HACL1: variants seen among roughly 807,000 people sequenced by gnomAD.
The protein encoded by HACL1 is 1600020H07Rik.
HACL1 carries 64 observed loss-of-function variants against 74.2 expected under a neutral mutation model. The ratio of observed to expected loss-of-function variants is 0.86; its 90% CI spans 0.70 to 1.06. The LOEUF is 1.06. HACL1 is among the 50% of genes least tolerant of loss of function. HACL1 has a pLI of 0.00. For synonymous variants in HACL1, 230 were observed against 238.8 expected (o/e 0.96, Z 0.34); for missense variants, 728 against 719.7 (o/e 1.01, Z -0.13).
At chr3:15,583,711 G>A (rs1386767623) in intron 7 of HACL1, among the ~76,000 whole-genome samples, 1 of 148,286 alleles carries the variant, frequency 6.7e-6, no homozygotes, top group African/African-American at 2.5e-5. Flanking sequence ...AGGCTTAAGT[G>A]CAGCGGTGCG....
Position 15,579,946 on chromosome 3 carries a change from T to C in HACL1, c.767A>G (p.Asp256Gly), listed in dbSNP as rs2063692681. The part of the protein sequence containing the change: ...PTPMGKGVVP[D>G]NHPYCVGAAR... ...TGCACCTACACAGTATGGATGGTTG[T>C]CAGGGACAACACCCTTCCCCATAGG... Residue 256 changes from aspartate to glycine, a missense_variant, in exon 9 of 17, where the codon GAC becomes GGC. By Grantham distance (94) the Asp-to-Gly change is moderately conservative. Transcript: ENST00000321169. 1 of 1,612,052 alleles carries C rather than the reference T, an allele frequency of 6.2e-7. No homozygotes were observed. Among genetic ancestry groups the C allele is most frequent in the African/African-American group, 1.3e-5 (1 of 74,862 alleles).
intron 9 of HACL1, among the ~76,000 whole-genome samples, chr3:15,575,769 G>A (rs1320802496): frequency 1.3e-5 from 2 of 151,968 alleles, no homozygotes; most frequent in Non-Finnish European, 2.9e-5. Flanking sequence ...TCGAACTCCT[G>A]GTTTCAAGTG....
At chr3:15,592,606 A>G (rs546922414) in intron 3 of HACL1, among the ~76,000 whole-genome samples, 8 of 107,062 alleles carry the variant, frequency 7.5e-5, no homozygotes, top group East Asian at 1.0e-3. Flanking sequence ...ATGTACGCAC[A>G]TGTGTGCGTG....
intron 8 of HACL1, among the ~76,000 whole-genome samples, chr3:15,582,507 C>T (rs983335062): frequency 3.9e-5 from 6 of 151,962 alleles, no homozygotes; most frequent in African/African-American, 7.3e-5. Context: ...GAATATAAAA[C>T]GGTCTATAAT....
At chr3:15,566,921 C>T (rs992937264) in intron 14 of HACL1, among the ~76,000 whole-genome samples, 4 of 147,046 alleles carry the variant, frequency 2.7e-5, no homozygotes, top group African/African-American at 7.6e-5. Flanking sequence ...CAGGTTCAAG[C>T]GATTCTCCTG....
At chr3:15,599,835 A>C (rs2125300681) in intron 2 of HACL1, among the ~76,000 whole-genome samples, 1 of 152,348 alleles carries the variant, frequency 6.6e-6, no homozygotes, top group African/African-American at 2.4e-5. Flanking sequence ...CACAATCCTT[A>C]GTATACAGTA....
At chr3:15,583,647 TTTTC>T (rs2063747119) in intron 7 of HACL1, among the ~76,000 whole-genome samples, 2 of 151,486 alleles carry the variant, frequency 1.3e-5, no homozygotes, top group Middle Eastern at 3.4e-3. Flanking sequence ...TCTTTTTTTT[TTTTC>T]TTTTCTTTTT....
intron 12 of HACL1, among the ~76,000 whole-genome samples, chr3:15,569,097 A>G (rs1318241922): frequency 6.6e-6 from 1 of 152,200 alleles, no homozygotes; most frequent in Non-Finnish European, 1.5e-5. Flanking sequence ...TACCCCCACT[A>G]TTCTAAAGAG....
chr3:15,580,799 G>A (rs938773712), intron 8 of HACL1, among the ~76,000 whole-genome samples: 1 of 152,220 alleles, frequency 6.6e-6, no homozygotes, highest in African/African-American at 2.4e-5. Context: ...TCCAGGCATG[G>A]AAATTCTAAG....
intron 12 of HACL1, among the ~76,000 whole-genome samples, chr3:15,570,297 T>C (rs2063503942): frequency 6.6e-6 from 1 of 151,382 alleles, no homozygotes; most frequent in Non-Finnish European, 1.5e-5. Flanking sequence ...ATCACGCCAT[T>C]GCACTCCAGC....
intron 5 of HACL1, among the ~76,000 whole-genome samples, chr3:15,589,326 G>A (rs1021300295): frequency 2.6e-5 from 4 of 151,450 alleles, no homozygotes; most frequent in Admixed American, 6.6e-5. Context: ...GTGAAACCTC[G>A]TCTCTACAAA....
chr3:15,571,019 C>A (rs776663096), intron 12 of HACL1, among the ~76,000 whole-genome samples: 6 of 152,016 alleles, frequency 3.9e-5, no homozygotes, highest in Non-Finnish European at 5.9e-5. Flanking sequence ...ACTCTGTCAC[C>A]CAGGCTTGAG....
chr3:15,563,760 ATGTTTTAAACC>A (rs2063386584), intron 15 of HACL1, among the ~76,000 whole-genome samples: 2 of 152,206 alleles, frequency 1.3e-5, no homozygotes, highest in East Asian at 1.9e-4. Flanking sequence ...GATGATAGAA[ATGTTTTAAACC>A]TGTGCCATCC....
chr3:15,579,887 T>A, intron 9 of HACL1, 23 bp downstream of exon 9: 1 of 1,521,416 alleles, frequency 6.6e-7, no homozygotes, highest in Non-Finnish European at 8.9e-7. Flanking sequence ...GCCATTGTAT[T>A]TAAAATCTGG....
intron 10 of HACL1, among the ~76,000 whole-genome samples, chr3:15,573,743 T>C (rs2063575742): frequency 6.6e-6 from 1 of 152,244 alleles, no homozygotes; most frequent in East Asian, 1.9e-4. Flanking sequence ...GTGGTGCTGA[T>C]GCGCCTGGCC....
intron 2 of HACL1, among the ~76,000 whole-genome samples, chr3:15,599,445 G>A (rs1472628342): frequency 6.6e-6 from 1 of 151,742 alleles, no homozygotes; most frequent in Non-Finnish European, 1.5e-5. Flanking sequence ...TCTTTCTGAA[G>A]TACAAATCTA....
chr3:15,596,538 A>G (rs773308606), intron 2 of HACL1, 114 bp from the exon 3 acceptor site: 2 of 661,312 alleles, frequency 3.0e-6, no homozygotes, highest in Non-Finnish European at 5.5e-6. Flanking sequence ...CAGAATTAAA[A>G]TATTTCCAAC....
rs1467990089 is a variant in HACL1 at position 15,592,483 on chromosome 3, CACTTGTATACATATACACTTGTATAT to C, written c.228-829_228-804del. 8.8e-4 allele frequency among the ~76,000 whole-genome samples: 131 copies of C among 149,166 alleles called. 3 individuals are homozygous for C. Among genetic ancestry groups the C allele is most frequent in the South Asian group, 2.7e-3 (13 of 4,732 alleles). On this transcript the variant is annotated intron_variant, in intron 3 of 16. Transcript: ENST00000321169. ...GTATACATACACACACGTATACATA[CACTTGTATACATATACACTTGTATAT>C]ACACTTGTATACATATACACATGTA...
intron 7 of HACL1, 89 bp from the exon 8 acceptor site, chr3:15,583,078 T>C (rs1223232772): frequency 4.6e-6 from 3 of 653,106 alleles, no homozygotes; most frequent in African/African-American, 1.9e-5. Flanking sequence ...GTAGAAAAAA[T>C]AGTACAATAA....
Sources: gnomAD v4.1 joint callset for allele counts (sites outside exome capture counted in the v4.1 genomes callset) on GRCh38, gnomAD v4.1.1 for gene constraint, MANE v1.5 for transcripts, NCBI Gene and HGNC (gene_info 2026-07-23, HGNC 2026-07-21) for gene names.